The following SEPTIN9 variants were observed in gnomAD, a reference collection of about 807,000 sequenced individuals.
SEPTIN9 encodes the protein septin 9, also known as septin-9.
A neutral mutation model predicts 56.6 loss-of-function variants in SEPTIN9; 13 were observed. That is an observed-to-expected ratio of 0.23 (90% CI 0.15 to 0.37). The LOEUF (loss-of-function observed/expected upper bound fraction) is 0.37, where lower values mean the gene tolerates loss of function less well. Ranked by LOEUF, SEPTIN9 falls within the 10% of genes least tolerant of loss-of-function variation. SEPTIN9 has a pLI of 1.00. For synonymous variants in SEPTIN9, 332 were observed against 334.1 expected, an observed-to-expected ratio of 0.99 and a Z score of 0.07; for missense variants, 650 against 823.1, an observed-to-expected ratio of 0.79 and a Z score of 2.57.
chr17:77,285,191 C>A (rs142723372), intron 1 of SEPTIN9, among the ~76,000 whole-genome samples: 1 of 152,138 alleles, frequency 6.6e-6, no homozygotes, highest in East Asian at 1.9e-4. Flanking sequence ...TGCACTGTAC[C>A]CGCCCTGGCT....
chr17:77,334,669 A>T (rs551312545), intron 2 of SEPTIN9, among the ~76,000 whole-genome samples: 2 of 152,126 alleles, frequency 1.3e-5, no homozygotes, highest in Non-Finnish European at 2.9e-5. Flanking sequence ...ACTAAGGTCA[A>T]AAGAAGTTCT....
intron 10 of SEPTIN9, 121 bp downstream of exon 10, chr17:77,493,197 A>AT: frequency 1.3e-6 from 1 of 741,264 alleles, no homozygotes; most frequent in East Asian, 2.8e-5. Flanking sequence ...GCCTTGCCCC[A>AT]CCCAGAGGGA....
chr17:77,346,116 A>C (rs958975682), intron 2 of SEPTIN9, among the ~76,000 whole-genome samples: 1 of 151,538 alleles, frequency 6.6e-6, no homozygotes, highest in African/African-American at 2.4e-5. Flanking sequence ...TAATTTTTGT[A>C]TTTTTAGTAG....
chr17:77,383,964 A>G (rs2035238588), intron 2 of SEPTIN9, among the ~76,000 whole-genome samples: 1 of 152,222 alleles, frequency 6.6e-6, no homozygotes, highest in African/African-American at 2.4e-5. Flanking sequence ...CTATTGCAGA[A>G]TGAACACAGT....
At chr17:77,282,384 C>T (rs1370914207) in intron 1 of SEPTIN9, among the ~76,000 whole-genome samples, 1 of 152,090 alleles carries the variant, frequency 6.6e-6, no homozygotes, top group Non-Finnish European at 1.5e-5. Flanking sequence ...TTATAAATAG[C>T]GTCTCCTCTT....
intron 2 of SEPTIN9, among the ~76,000 whole-genome samples, chr17:77,392,125 C>G (rs1369738241): frequency 6.6e-6 from 1 of 152,152 alleles, no homozygotes; most frequent in Non-Finnish European, 1.5e-5. Flanking sequence ...AGCCGAAAAT[C>G]CAACCACAGG....
chr17:77,415,815 T>C (rs552184603), intron 3 of SEPTIN9, among the ~76,000 whole-genome samples: 12 of 151,934 alleles, frequency 7.9e-5, no homozygotes, highest in Admixed American at 7.9e-4. Flanking sequence ...AGGAGCAAAA[T>C]AAGGCAGATG....
rs1201670690 is a variant in SEPTIN9 at position 77,445,652 on chromosome 17, G to T, written c.722-36492G>T. On this transcript the variant is annotated intron_variant, in intron 3 of 11. Coordinates refer to ENST00000427177, the MANE Select transcript of SEPTIN9 (RefSeq NM_001113491.2). The surrounding 1 kb of genome is among the most constrained non-coding windows in gnomAD (Gnocchi z 4.7). ...TGGGTGTCACCACACTTCCTAGCAG[G>T]TGTCAACCTCCAAGACTGTTCTGGG... 2 of 360,410 alleles carry T rather than the reference G, an allele frequency of 5.5e-6. No individual in the cohort carries two copies. The highest frequency in any genetic ancestry group is 7.8e-5 in the East Asian group (1 of 12,782). The allele number at this position is 360,410 out of a possible 1,614,324, so 22.3% of individuals were successfully genotyped here. A position where few individuals can be genotyped will look rare whatever the true frequency, so the allele number is the denominator to read the frequency against.
intron 3 of SEPTIN9, among the ~76,000 whole-genome samples, chr17:77,457,049 C>T (rs1454327704): frequency 6.6e-6 from 1 of 152,212 alleles, no homozygotes; most frequent in Non-Finnish European, 1.5e-5. Flanking sequence ...TACTTGTCTT[C>T]TTGAATTCTG....
At position 77,329,940 on chromosome 17, in the gene SEPTIN9, C is replaced by T. The variant is rs2033284044; in HGVS notation, c.76+22743C>T. Reference sequence around the variant, plus strand: ...AGACTTGGGGTGGCTTCGGACTGGCCAGGCAGGTGGGTGGGGGCTGCAGTC... The same window carrying T: ...AGACTTGGGGTGGCTTCGGACTGGCTAGGCAGGTGGGTGGGGGCTGCAGTC... On this transcript the variant is annotated intron_variant, in intron 2 of 11. Coordinates refer to ENST00000427177, the MANE Select transcript of SEPTIN9 (RefSeq NM_001113491.2). The surrounding 1 kb of genome is among the most constrained non-coding windows in gnomAD (Gnocchi z 4.3). 6.6e-6 allele frequency among the ~76,000 whole-genome samples: 1 copy of T among 152,158 alleles called. No homozygotes were observed. Among genetic ancestry groups the T allele is most frequent in the South Asian group, 2.1e-4 (1 of 4,832 alleles).
At chr17:77,378,489 C>T (rs913573300) in intron 2 of SEPTIN9, among the ~76,000 whole-genome samples, 5 of 152,206 alleles carry the variant, frequency 3.3e-5, no homozygotes, top group South Asian at 2.1e-4. Flanking sequence ...GTGGGTGTCG[C>T]GGCTGGTGTG....
chr17:77,482,151 G>A lies in SEPTIN9; in HGVS notation c.729G>A (p.Glu243=), dbSNP rs553559121. 8 of 1,573,732 alleles carry A rather than the reference G, an allele frequency of 5.1e-6. No homozygotes were observed. In the African/African-American group the frequency reaches 8.1e-5, roughly 16 times the overall value. Residue 243 remains glutamate, a synonymous_variant, in exon 4 of 12, where the codon GAG becomes GAA. Coordinates refer to ENST00000427177, the MANE Select transcript of SEPTIN9 (RefSeq NM_001113491.2). ...CTGCTGTTCCTTCCCCAGCCACTGA[G>A]GCGGCTCCCAGCTGCGTTGGCGACA... ...EATPRSQEAT[E]AAPSCVGDMA... is the part of the protein sequence containing the mutation.
rs1461986674 is a variant in SEPTIN9, at chr17:77,453,724, C to T, written c.722-28420C>T. 2 of 152,504 alleles carry T rather than the reference C, an allele frequency of 1.3e-5. No individual in the cohort carries two copies. The highest frequency in any genetic ancestry group is 3.8e-4 in the East Asian group (2 of 5,204). 9.4% of individuals were successfully genotyped at this position (152,504 alleles called of 1,614,324 possible). ...CTAGACCCACTTGGGCAACCAGAGT[C>T]TCTGGGTTGACCACTCCCCAGCCCT... On this transcript the variant is annotated intron_variant, in intron 3 of 11. Transcript: ENST00000427177. This position sits in a 1 kb window ranked among gnomAD's most constrained non-coding sequence, Gnocchi z 4.4.
chr17:77,355,854 T>C (rs11656561), intron 2 of SEPTIN9, among the ~76,000 whole-genome samples: 31,529 of 149,050 alleles, frequency 0.21, 3,657 homozygotes, highest in East Asian at 0.6. Flanking sequence ...TGGTGGCGGG[T>C]GCCTGTAGTC....
At chr17:77,448,323 A>T (rs1013073647) in intron 3 of SEPTIN9, among the ~76,000 whole-genome samples, 14 of 152,086 alleles carry the variant, frequency 9.2e-5, no homozygotes, top group Non-Finnish European at 1.6e-4. Context: ...AAATACAAAA[A>T]GTAGCCGCCG....
chr17:77,388,489 A>G (rs1312941545), intron 2 of SEPTIN9, among the ~76,000 whole-genome samples: 1 of 152,176 alleles, frequency 6.6e-6, no homozygotes, highest in African/African-American at 2.4e-5. Context: ...AGATCCGTGT[A>G]GGTTCACGTG....
intron 3 of SEPTIN9, among the ~76,000 whole-genome samples, chr17:77,409,269 C>T (rs935689642): frequency 1.9e-4 from 26 of 139,704 alleles, no homozygotes; most frequent in African/African-American, 7.0e-4. Flanking sequence ...TGGGAAGTCC[C>T]GCATGTGCTG....
At chr17:77,309,411 C>T (rs2032393424) in intron 2 of SEPTIN9, among the ~76,000 whole-genome samples, 1 of 152,250 alleles carries the variant, frequency 6.6e-6, no homozygotes, top group Non-Finnish European at 1.5e-5. Flanking sequence ...GACACCCTTT[C>T]CTCATCTTCT....
intron 2 of SEPTIN9, among the ~76,000 whole-genome samples, chr17:77,331,739 C>A (rs1037472668): frequency 6.6e-6 from 1 of 152,164 alleles, no homozygotes; most frequent in Non-Finnish European, 1.5e-5. Flanking sequence ...CACCGGAGGG[C>A]AGATGACCAG....
Sources: gnomAD v4.1 joint callset for allele counts (sites outside exome capture counted in the v4.1 genomes callset) on GRCh38, gnomAD v4.1.1 for gene constraint, Gnocchi (gnomAD v3.1) non-coding constraint, MANE v1.5 for transcripts, NCBI Gene and HGNC (gene_info 2026-07-23, HGNC 2026-07-21) for gene names.